Variants in STAM observed in about 807,000 individuals in gnomAD.
The protein encoded by STAM is signal transducing adaptor molecule.
Under a neutral mutation model 63.4 loss-of-function variants are expected in STAM, and 16 were observed. The ratio of observed to expected loss-of-function variants is 0.25; its 90% CI spans 0.17 to 0.38. The LOEUF (loss-of-function observed/expected upper bound fraction) is 0.38. STAM is among the 10% of genes least tolerant of loss of function. STAM has a pLI of 1.00. For synonymous variants in STAM, 238 were observed against 223.9 expected (o/e 1.06, Z -0.56); for missense variants, 636 against 657.1 (o/e 0.97, Z 0.35).
intron 1 of STAM, among the ~76,000 whole-genome samples, chr10:17,654,284 A>G (rs183564651): frequency 0.059 from 9,040 of 152,022 alleles, 364 homozygotes; most frequent in Middle Eastern, 0.13. Flanking sequence ...GTGCAGTGGC[A>G]TGATCTCAGC....
chr10:17,649,473 T>C (rs1024812670), intron 1 of STAM, among the ~76,000 whole-genome samples: 5 of 152,160 alleles, frequency 3.3e-5, no homozygotes, highest in African/African-American at 1.2e-4. Flanking sequence ...TTTTTCTTTA[T>C]AGTACTTAGT....
intron 1 of STAM, among the ~76,000 whole-genome samples, chr10:17,658,687 A>T (rs1834041316): frequency 6.6e-6 from 1 of 152,054 alleles, no homozygotes; most frequent in Non-Finnish European, 1.5e-5. Flanking sequence ...AGGTTTCGTC[A>T]TGTTGCCCAG....
chr10:17,702,727 T>C (rs186606825), intron 9 of STAM, among the ~76,000 whole-genome samples: 6 of 152,200 alleles, frequency 3.9e-5, no homozygotes, highest in African/African-American at 1.2e-4. Flanking sequence ...AAGAAAATGC[T>C]GGCCAGGCGC....
At chr10:17,676,653 A>G (rs967865621) in intron 2 of STAM, among the ~76,000 whole-genome samples, 3 of 152,146 alleles carry the variant, frequency 2.0e-5, no homozygotes, top group Admixed American at 2.0e-4. Context: ...GCCTTGGACA[A>G]TTGTAGTTTA....
chr10:17,685,206 A>G (rs1028765636), intron 4 of STAM, among the ~76,000 whole-genome samples: 1 of 152,238 alleles, frequency 6.6e-6, no homozygotes, highest in African/African-American at 2.4e-5. Flanking sequence ...ATCTAATTAA[A>G]TAATATCAGT....
intron 4 of STAM, among the ~76,000 whole-genome samples, chr10:17,687,342 G>T (rs1198938607): frequency 6.6e-6 from 1 of 152,064 alleles, no homozygotes; most frequent in Non-Finnish European, 1.5e-5. Context: ...GGGCATGGTG[G>T]TGCGCGCCTG....
intron 2 of STAM, among the ~76,000 whole-genome samples, chr10:17,667,411 C>T (rs187840950): frequency 8.5e-5 from 13 of 152,280 alleles, no homozygotes; most frequent in African/African-American, 2.6e-4. Flanking sequence ...CGTGAGCCAC[C>T]GCATCCAGCC....
chr10:17,697,699 A>T (rs540616099), intron 8 of STAM, among the ~76,000 whole-genome samples: 22 of 151,806 alleles, frequency 1.4e-4, no homozygotes, highest in South Asian at 1.0e-3. Context: ...TCATCAAGCA[A>T]AGTTTAAGTC....
chr10:17,693,195 A>G (rs782190080), intron 5 of STAM, 27 bp from the exon 6 acceptor site: 2 of 1,605,816 alleles, frequency 1.2e-6, no homozygotes, highest in Non-Finnish European at 1.7e-6. Context: ...AACAACCCTC[A>G]AATACTGTGT....
At chr10:17,686,798 T>C (rs1449302441) in intron 4 of STAM, among the ~76,000 whole-genome samples, 1 of 152,234 alleles carries the variant, frequency 6.6e-6, no homozygotes, top group Non-Finnish European at 1.5e-5. Flanking sequence ...ACATGTGCAC[T>C]TAGAAAGAAT....
At chr10:17,707,225 T>C (rs779275774) in intron 12 of STAM, among the ~76,000 whole-genome samples, 3 of 151,920 alleles carry the variant, frequency 2.0e-5, no homozygotes, top group Non-Finnish European at 4.4e-5. Flanking sequence ...CTGGCTAACA[T>C]GGTGAAACCC....
At position 17,708,837 on chromosome 10, in the gene STAM, A is replaced by G; in HGVS notation, c.1271A>G (p.His424Arg). 6.2e-7 allele frequency: 1 copy of G among 1,614,146 alleles called. No individual in the cohort carries two copies. The highest frequency in any genetic ancestry group is 8.5e-7 in the Non-Finnish European group (1 of 1,180,012). Residue 424 changes from histidine to arginine, a missense_variant, in exon 13 of 14, where the codon CAC (histidine) becomes CGC (arginine). Physicochemically the swap from His to Arg is conservative, Grantham distance 29 (BLOSUM62 0). Transcript: ENST00000377524. Reference sequence around the variant, plus strand: ...GTTGCAGGGAACGCGCAGATGAGCCACCTCCAGAGCTACAGTCTTCCCCCG... The same window carrying G: ...GTTGCAGGGAACGCGCAGATGAGCCGCCTCCAGAGCTACAGTCTTCCCCCG... ...YLVAGNAQMS[H>R]LQSYSLPPEQ...
intron 9 of STAM, 120 bp downstream of exon 9, chr10:17,700,399 A>G (rs782252312): frequency 4.0e-6 from 3 of 757,774 alleles, no homozygotes; most frequent in Non-Finnish European, 6.1e-6. Context: ...ATTTTTTTAT[A>G]AAAATTCAAG....
chr10:17,684,155 G>A lies in STAM; in HGVS notation c.126-520G>A, dbSNP rs77807508. 5.3e-3 allele frequency among the ~76,000 whole-genome samples: 809 copies of A among 152,270 alleles called. 13 individuals carry two copies. Among genetic ancestry groups the A allele is most frequent in the African/African-American group, 0.019 (783 of 41,550 alleles). On this transcript the variant is annotated intron_variant, in intron 2 of 13. Transcript: ENST00000377524. Reference sequence around the variant, plus strand: ...CATGGAGTTTTTCACCTGTGCATGCGTGGGTTTTTCAGAAGGTCTTCACTG... The same window carrying A: ...CATGGAGTTTTTCACCTGTGCATGCATGGGTTTTTCAGAAGGTCTTCACTG...
At chr10:17,680,554 T>G (rs1041016186) in intron 2 of STAM, among the ~76,000 whole-genome samples, 10 of 152,016 alleles carry the variant, frequency 6.6e-5, no homozygotes, top group African/African-American at 2.4e-4. Context: ...TACAAGTGTG[T>G]GCCATCATGC....
At chr10:17,645,569 T>G (rs1381575421) in intron 1 of STAM, among the ~76,000 whole-genome samples, 1 of 152,176 alleles carries the variant, frequency 6.6e-6, no homozygotes, top group African/African-American at 2.4e-5. Context: ...TTAAATAATA[T>G]GTCTAGAGGG....
chr10:17,681,625 T>C (rs1835089509), intron 2 of STAM, among the ~76,000 whole-genome samples: 1 of 152,232 alleles, frequency 6.6e-6, no homozygotes, highest in African/African-American at 2.4e-5. Flanking sequence ...TTTAATCTGA[T>C]GATTTAATAT....
intron 2 of STAM, among the ~76,000 whole-genome samples, chr10:17,672,685 G>A (rs1834689067): frequency 6.6e-6 from 1 of 152,196 alleles, no homozygotes; most frequent in Admixed American, 6.5e-5. Context: ...AAAGTTGGCT[G>A]TATTGGACAC....
chr10:17,646,046 A>C (rs1286925778), intron 1 of STAM, among the ~76,000 whole-genome samples: 3 of 152,214 alleles, frequency 2.0e-5, no homozygotes, highest in Non-Finnish European at 2.9e-5. Flanking sequence ...CACCCAGTTC[A>C]AACACAGGCA....
Sources: allele counts gnomAD v4.1 joint callset (sites outside exome capture counted in the v4.1 genomes callset), GRCh38; gene constraint gnomAD v4.1.1; transcripts MANE v1.5; gene names NCBI Gene and HGNC (gene_info 2026-07-23, HGNC 2026-07-21).